The following CDC42EP4 variants were observed in gnomAD, a reference collection of about 807,000 sequenced individuals.
CDC42EP4 encodes the protein CDC42 effector protein (Rho GTPase binding) 4.
Under a neutral mutation model 5.6 loss-of-function variants are expected in CDC42EP4, and 6 were observed. That is an observed-to-expected ratio of 1.07 (90% CI 0.59 to 2.12). The LOEUF (loss-of-function observed/expected upper bound fraction) is 2.12, where lower values mean the gene tolerates loss of function less well. Among genes scored for constraint, CDC42EP4 ranks in the 30% most tolerant of loss-of-function variants. CDC42EP4 has a pLI of 0.00. For synonymous variants in CDC42EP4, 230 were observed against 224.2 expected, an observed-to-expected ratio of 1.03 and a Z score of -0.23; for missense variants, 490 against 508.6, an observed-to-expected ratio of 0.96 and a Z score of 0.35.
intron 1 of CDC42EP4, among the ~76,000 whole-genome samples, chr17:73,298,419 C>A (rs2062199876): frequency 6.6e-6 from 1 of 152,222 alleles, no homozygotes; most frequent in Non-Finnish European, 1.5e-5. Flanking sequence ...ATCACTCCCA[C>A]CCTACCGGAG....
At chr17:73,309,841 C>G (rs1233628805) in intron 1 of CDC42EP4, 1 of 152,372 alleles carries the variant, frequency 6.6e-6, no homozygotes. Context: ...CACTTGGGAT[C>G]TCCCCAAATT....
chr17:73,306,926 CAG>C (rs1442343978), intron 1 of CDC42EP4: 1 of 152,212 alleles, frequency 6.6e-6, no homozygotes, highest in Non-Finnish European at 1.5e-5. Context: ...AAGAAGAACC[CAG>C]AGTCTCATGC....
Position 73,294,913 on chromosome 17 carries a change from A to G in CDC42EP4, c.-112-8301T>C, listed in dbSNP as rs562983390. On this transcript the variant is annotated intron_variant, in intron 1 of 1. Coordinates refer to ENST00000335793, the MANE Select transcript of CDC42EP4 (RefSeq NM_012121.5). ...TACCTCCACCTCCCAGATTCAGGCA[A>G]TTCTCCTGCCTTAGCCTCCTGAGTA... Among the ~76,000 whole-genome samples, 3 of 152,004 alleles carry G rather than the reference A, an allele frequency of 2.0e-5. No individual in the cohort carries two copies. The South Asian group carries it at 6.2e-4, about 32-fold the overall frequency.
chr17:73,288,832 C>T (rs973225562), intron 1 of CDC42EP4, among the ~76,000 whole-genome samples: 6 of 152,312 alleles, frequency 3.9e-5, no homozygotes, highest in Admixed American at 6.5e-5. Flanking sequence ...CCAGTGCCCA[C>T]GCCATACCGC....
intron 1 of CDC42EP4, among the ~76,000 whole-genome samples, chr17:73,300,136 G>C (rs955911041): frequency 6.6e-6 from 1 of 152,054 alleles, no homozygotes; most frequent in African/African-American, 2.4e-5. Context: ...CTCACTGCCC[G>C]CGTGCCAATC....
rs759637992 is a variant in CDC42EP4 at position 73,285,445 on chromosome 17, A to ATCC, written c.1053_1055dup (p.Glu351dup). 39 of 1,554,530 alleles carry ATCC rather than the reference A, an allele frequency of 2.5e-5. No homozygotes were observed. The highest frequency in any genetic ancestry group is 4.1e-5 in the African/African-American group (3 of 73,392). On this transcript the variant is annotated inframe_insertion, in exon 2 of 2. Coordinates refer to ENST00000335793, the MANE Select transcript of CDC42EP4 (RefSeq NM_012121.5). This position sits in a 1 kb window ranked among gnomAD's most constrained non-coding sequence, Gnocchi z 6.8. ...ACTGTCCGCCTCACACACGGATTTC[A>ATCC]TCCTCCTCCTCCTCATCCATGAAGG...
At position 73,304,898 on chromosome 17, in the gene CDC42EP4, C is replaced by T. The variant is rs2145327219; in HGVS notation, c.-113+6995G>A. Reference sequence around the variant, plus strand: ...ACCCCAGGTCCATCCAGGGGAGCCTCCTGCTCCTTGTGGGCTGGGAACCAG... The same window carrying T: ...ACCCCAGGTCCATCCAGGGGAGCCTTCTGCTCCTTGTGGGCTGGGAACCAG... On this transcript the variant is annotated intron_variant, in intron 1 of 1. Transcript: ENST00000335793. Among the ~76,000 whole-genome samples, 3 of 152,312 alleles carry T rather than the reference C, an allele frequency of 2.0e-5. 1 individual carries two copies. The highest frequency in any genetic ancestry group is 2.0e-4 in the Admixed American group (3 of 15,300).
chr17:73,299,268 T>TAA lies in CDC42EP4; in HGVS notation c.-113+12624_-113+12625insTT, dbSNP rs1186146593. On this transcript the variant is annotated intron_variant, in intron 1 of 1. Transcript: ENST00000335793. ...GAAACCCTGTCTCTACTAAAAATAT[T>TAA]TAAAAAAAAAAATTAGCCAGGCGTG... Among the ~76,000 whole-genome samples the TAA allele has an allele frequency of 3.8e-3, 560 of 149,106 alleles. 2 individuals are homozygous for TAA. Among genetic ancestry groups the TAA allele is most frequent in the Non-Finnish European group, 6.3e-3 (421 of 67,242 alleles).
intron 1 of CDC42EP4, among the ~76,000 whole-genome samples, chr17:73,301,214 A>C (rs2062217765): frequency 6.6e-6 from 1 of 152,236 alleles, no homozygotes; most frequent in Non-Finnish European, 1.5e-5. Flanking sequence ...GAATATAGTG[A>C]GTCAAAATGT....
rs983070578 is a variant in CDC42EP4 at position 73,284,054 on chromosome 17, C to T, written c.*1376G>A. 4 of 152,236 alleles carry T rather than the reference C, an allele frequency of 2.6e-5. No individual in the cohort carries two copies. Among genetic ancestry groups the T allele is most frequent in the African/African-American group, 4.8e-5 (2 of 41,460 alleles). 9.4% of individuals were successfully genotyped at this position (152,236 alleles called of 1,614,324 possible). On this transcript the variant is annotated 3_prime_UTR_variant, in exon 2 of 2. Transcript: ENST00000335793. ...TGCTCAATCCCCTCGGGGACAGTTA[C>T]AGGACTCAGAGAGAAACGTGAATTT...
chr17:73,285,569 G>A lies in CDC42EP4; in HGVS notation c.932C>T (p.Ser311Phe). 1.2e-6 allele frequency: 2 copies of A among 1,612,052 alleles called. No individual in the cohort carries two copies. The highest frequency in any genetic ancestry group is 2.2e-5 in the South Asian group (2 of 91,054). Reference sequence around the variant, plus strand: ...CTCCAGGATGCCTGAGGTGCAGCTGGAGAGGGAGCTGCTGTCCCGTGTGGT... The same window carrying A: ...CTCCAGGATGCCTGAGGTGCAGCTGAAGAGGGAGCTGCTGTCCCGTGTGGT... The part of the protein sequence containing the change: ...SHTTRDSSSL[S>F]SCTSGILEER... Residue 311 changes from serine to phenylalanine, a missense_variant, in exon 2 of 2, where the codon TCC (serine) becomes TTC (phenylalanine). Transcript: ENST00000335793. The surrounding 1 kb of genome is among the most constrained non-coding windows in gnomAD (Gnocchi z 6.8).
intron 1 of CDC42EP4, among the ~76,000 whole-genome samples, chr17:73,292,631 TC>T (rs1292475890): frequency 1.3e-5 from 2 of 152,122 alleles, no homozygotes; most frequent in African/African-American, 4.8e-5. Flanking sequence ...GGGAGGCCCC[TC>T]TTGAGGAAGG....
chr17:73,311,395 G>A (rs772114110), intron 1 of CDC42EP4: 7 of 152,308 alleles, frequency 4.6e-5, no homozygotes, highest in Non-Finnish European at 8.8e-5. Context: ...CGTACAGGCG[G>A]AGAATTCGGT....
intron 1 of CDC42EP4, among the ~76,000 whole-genome samples, chr17:73,302,698 C>T (rs116479366): frequency 0.041 from 6,189 of 152,128 alleles, 331 homozygotes; most frequent in African/African-American, 0.12. Flanking sequence ...ATTACAGATA[C>T]GAGCCACCAC....
chr17:73,305,252 G>A (rs950992325), intron 1 of CDC42EP4, among the ~76,000 whole-genome samples: 5 of 152,238 alleles, frequency 3.3e-5, no homozygotes, highest in Non-Finnish European at 5.9e-5. Context: ...GCCACCAGCA[G>A]AGGGACCATC....
At chr17:73,296,229 CA>C (rs10562107) in intron 1 of CDC42EP4, among the ~76,000 whole-genome samples, 1,891 of 138,516 alleles carry the variant, frequency 0.014, 56 homozygotes, top group African/African-American at 0.048. Context: ...ACTAAAAATA[CA>C]AAAAAAAAAA....
intron 1 of CDC42EP4, among the ~76,000 whole-genome samples, chr17:73,306,443 T>C (rs2145328540): frequency 1.3e-5 from 2 of 152,200 alleles, no homozygotes; most frequent in South Asian, 4.2e-4. Context: ...GAGGCTGCAG[T>C]GAGCTGTGAT....
At chr17:73,301,243 T>C (rs1331164753) in intron 1 of CDC42EP4, among the ~76,000 whole-genome samples, 2 of 152,202 alleles carry the variant, frequency 1.3e-5, no homozygotes, top group African/African-American at 4.8e-5. Flanking sequence ...CTCTTACTTG[T>C]TAAAATGTAA....
At chr17:73,289,735 GAGGGAGGA>G (rs1473026487) in intron 1 of CDC42EP4, among the ~76,000 whole-genome samples, 4 of 97,520 alleles carry the variant, frequency 4.1e-5, no homozygotes, top group African/African-American at 1.6e-4. Flanking sequence ...GGAAGGGAGG[GAGGGAGGA>G]AGGGAGGGAG....
Sources: allele counts gnomAD v4.1 joint callset (sites outside exome capture counted in the v4.1 genomes callset), GRCh38; gene constraint gnomAD v4.1.1; non-coding constraint Gnocchi (gnomAD v3.1); transcripts MANE v1.5; gene names NCBI Gene and HGNC (gene_info 2026-07-23, HGNC 2026-07-21).